Variants in RAD1 observed in about 807,000 individuals in gnomAD.
RAD1 encodes the protein cell cycle checkpoint protein RAD1.
Under a neutral mutation model 30.0 loss-of-function variants are expected in RAD1, and 21 were observed. The ratio of observed to expected loss-of-function variants is 0.70; its 90% CI spans 0.50 to 1.01. RAD1 has a LOEUF of 1.01. RAD1 is among the 50% of genes least tolerant of loss of function. The probability of loss-of-function intolerance (pLI) is 0.00; values close to 1 mark genes in which losing one functional copy is unlikely to be tolerated. For synonymous variants in RAD1, 109 were observed against 113.6 expected (o/e 0.96, Z 0.26); for missense variants, 329 against 329.0 (o/e 1.00, Z 0.00).
intron 4 of RAD1, 134 bp from the exon 5 acceptor site, chr5:34,909,490 A>AT: frequency 1.8e-6 from 1 of 561,152 alleles, no homozygotes; most frequent in East Asian, 2.9e-5. Flanking sequence ...CTTATAACAC[A>AT]CGATAACAAG....
chr5:34,914,502 G>T, intron 2 of RAD1, 193 bp downstream of exon 2: 1 of 608,554 alleles, frequency 1.6e-6, no homozygotes, highest in Non-Finnish European at 2.8e-6. Context: ...TTGTTACCGG[G>T]AGAGAAAAAA....
Position 34,913,492 on chromosome 5 carries a change from AATAG to A in RAD1, c.281_284del (p.Ser94PhefsTer11). Reference sequence around the variant, plus strand: ...TACCTGGCATAGGACTTGATCCAAAAATAGATAAACAGTCTAAAAGGACAGTTAA... The same window carrying A: ...TACCTGGCATAGGACTTGATCCAAAAATAAACAGTCTAAAAGGACAGTTAA... On this transcript the variant is annotated frameshift_variant, in exon 3 of 6. Coordinates refer to ENST00000382038, the MANE Select transcript of RAD1 (RefSeq NM_002853.4). LOFTEE classifies it high-confidence loss of function. 1 of 1,588,846 alleles carries A rather than the reference AATAG, an allele frequency of 6.3e-7. No homozygotes were observed. The highest frequency in any genetic ancestry group is 8.6e-7 in the Non-Finnish European group (1 of 1,164,094).
rs905579016 is a variant in RAD1 at position 34,915,456 on chromosome 5, A to G, written c.-110T>C. On this transcript the variant is annotated 5_prime_UTR_variant, in exon 1 of 6. Coordinates refer to ENST00000382038, the MANE Select transcript of RAD1 (RefSeq NM_002853.4). ...TGGACGCCCGAGAGCCCTTCTCAGC[A>G]AAGTCCCTGAAGAGGAGCGAGGCGG... 1.4e-5 allele frequency: 5 copies of G among 353,704 alleles called. No individual in the cohort carries two copies. The highest frequency in any genetic ancestry group is 2.6e-5 in the Non-Finnish European group (5 of 193,246). The allele number at this position is 353,704 out of a possible 1,614,324, so 21.9% of individuals were successfully genotyped here.
chr5:34,908,855 T>C lies in RAD1; in HGVS notation c.759A>G (p.Leu253=). The change falls in exon 6 of 6, where the codon TTA becomes TTG. Residue 253 remains leucine (L), a synonymous_variant. Transcript: ENST00000382038. ...CATCTTCATTTCTAATCATATACTG[T>C]AATGAAAGGAAGCCTCTGTTATCTG... ...IRTDNRGFLS[L]QYMIRNEDGQ... is the part of the protein sequence containing the mutation. The C allele has an allele frequency of 6.2e-7, 1 of 1,611,816 alleles. No individual in the cohort carries two copies.
At position 34,913,869 on chromosome 5, in the gene RAD1, C is replaced by T. The variant is rs1031546503; in HGVS notation, c.199-291G>A. 3.8e-5 allele frequency: 18 copies of T among 471,480 alleles called. No homozygotes were observed. The East Asian group carries it at 5.6e-4, about 15-fold the overall frequency. The allele number at this position is 471,480 out of a possible 1,614,324, so 29.2% of individuals were successfully genotyped here. On this transcript the variant is annotated intron_variant, in intron 2 of 5. Coordinates refer to ENST00000382038, the MANE Select transcript of RAD1 (RefSeq NM_002853.4). Reference sequence around the variant, plus strand: ...GAATGACTTGATAATGCATGAGCAACATTAGTTTCAACTTTTATTATGATT... The same window carrying T: ...GAATGACTTGATAATGCATGAGCAATATTAGTTTCAACTTTTATTATGATT...
At chr5:34,910,983 T>C (rs1229954399) in intron 4 of RAD1, among the ~76,000 whole-genome samples, 1 of 152,248 alleles carries the variant, frequency 6.6e-6, no homozygotes, top group Non-Finnish European at 1.5e-5. Flanking sequence ...CAATCCTCCC[T>C]AAATCCTTAT....
intron 2 of RAD1, 155 bp downstream of exon 2, chr5:34,914,540 A>G: frequency 1.4e-6 from 1 of 731,884 alleles, no homozygotes; most frequent in Non-Finnish European, 2.2e-6. Flanking sequence ...TTTGTTCTCT[A>G]ACTTAAGACT....
At position 34,915,488 on chromosome 5, in the gene RAD1, G is replaced by T; in HGVS notation, c.-142C>A. On this transcript the variant is annotated 5_prime_UTR_variant, in exon 1 of 6. Coordinates refer to ENST00000382038, the MANE Select transcript of RAD1 (RefSeq NM_002853.4). Reference sequence around the variant, plus strand: ...CTGAAGAGGAGCGAGGCGGCTCCGAGGAACCGCGGAGGAAGTGAAGCCAGT... The same window carrying T: ...CTGAAGAGGAGCGAGGCGGCTCCGATGAACCGCGGAGGAAGTGAAGCCAGT... 2.3e-6 allele frequency: 1 copy of T among 430,744 alleles called. No individual in the cohort carries two copies. The highest frequency in any genetic ancestry group is 4.1e-6 in the Non-Finnish European group (1 of 243,340). The allele number at this position is 430,744 out of a possible 1,614,324, so 26.7% of individuals were successfully genotyped here. A position where few individuals can be genotyped will look rare whatever the true frequency, so the allele number is the denominator to read the frequency against.
intron 4 of RAD1, among the ~76,000 whole-genome samples, chr5:34,910,773 T>C (rs1396925764): frequency 6.6e-6 from 1 of 152,224 alleles, no homozygotes; most frequent in Admixed American, 6.5e-5. Context: ...AAGAATACCT[T>C]ATTCCTTTTA....
rs1356738904 is a variant in RAD1 at position 34,907,167 on chromosome 5, C to T, written c.*1598G>A. The T allele has an allele frequency of 6.6e-6, 1 of 152,178 alleles. No individual in the cohort carries two copies. Among genetic ancestry groups the T allele is most frequent in the Non-Finnish European group, 1.5e-5 (1 of 68,040 alleles). 9.4% of individuals were successfully genotyped at this position (152,178 alleles called of 1,614,324 possible). On this transcript the variant is annotated 3_prime_UTR_variant, in exon 6 of 6. Coordinates refer to ENST00000382038, the MANE Select transcript of RAD1 (RefSeq NM_002853.4). ...CAGCACACTTTGCTGTAATACTCTC[C>T]AAACCAATTTTCTCTAATGCTATGT...
intron 4 of RAD1, among the ~76,000 whole-genome samples, chr5:34,910,214 C>T (rs1053961279): frequency 1.3e-5 from 2 of 152,110 alleles, no homozygotes; most frequent in African/African-American, 4.8e-5. Context: ...TGTTTCCCAT[C>T]CTGGAGATGA....
chr5:34,909,353 T>A lies in RAD1; in HGVS notation c.570A>T (p.Leu190Phe), dbSNP rs754063628. Reference protein sequence around the residue: ...TMSPDKPYFRLSTFGNAGSSH... With the variant: ...TMSPDKPYFRFSTFGNAGSSH... ...AACTTCCTGCATTTCCAAAAGTAGA[T>A]AACCTATAGAAAATGATTACCTCAT... The change falls in exon 5 of 6, where the codon TTA (leucine) becomes TTT (phenylalanine). Residue 190 changes from leucine to phenylalanine, a missense_variant. Coordinates refer to ENST00000382038, the MANE Select transcript of RAD1 (RefSeq NM_002853.4). 2 of 1,588,930 alleles carry A rather than the reference T, an allele frequency of 1.3e-6. No homozygotes were observed. Among genetic ancestry groups the A allele is most frequent in the Non-Finnish European group, 1.7e-6 (2 of 1,157,992 alleles).
chr5:34,908,031 A>C lies in RAD1; in HGVS notation c.*734T>G, dbSNP rs1035424078. On this transcript the variant is annotated 3_prime_UTR_variant, in exon 6 of 6. Transcript: ENST00000382038. ...GCCATTCTGATGTTGGTGCGGGCACAACACTTTGAGAACCACTACTTTAAG... is the reference window on the plus strand; with the variant it reads ...GCCATTCTGATGTTGGTGCGGGCACCACACTTTGAGAACCACTACTTTAAG... 2 of 152,228 alleles carry C rather than the reference A, an allele frequency of 1.3e-5. No individual in the cohort carries two copies. Among genetic ancestry groups the C allele is most frequent in the African/African-American group, 2.4e-5 (1 of 41,458 alleles). 9.4% of individuals were successfully genotyped at this position (152,228 alleles called of 1,614,324 possible).
chr5:34,914,454 C>T (rs1763972895), intron 2 of RAD1: 1 of 519,472 alleles, frequency 1.9e-6, no homozygotes, highest in African/African-American at 1.9e-5. Context: ...TTAGTCATTA[C>T]TAACCATTAT....
At chr5:34,910,617 AG>A (rs1763803370) in intron 4 of RAD1, among the ~76,000 whole-genome samples, 1 of 151,970 alleles carries the variant, frequency 6.6e-6, no homozygotes, top group African/African-American at 2.4e-5. Context: ...TAGTAGAGAC[AG>A]GGTTTCACCA....
chr5:34,915,392 G>A (rs1764029993), intron 1 of RAD1, 24 bp downstream of exon 1: 6 of 253,028 alleles, frequency 2.4e-5, no homozygotes, highest in Non-Finnish European at 4.6e-5. Context: ...CTAGTCTCGG[G>A]GTCCCCGAGT....
chr5:34,912,163 G>C (rs1317299156), intron 3 of RAD1, among the ~76,000 whole-genome samples: 3 of 152,200 alleles, frequency 2.0e-5, no homozygotes, highest in Non-Finnish European at 4.4e-5. Context: ...CTGCAGAACA[G>C]GGTATGCTAT....
intron 2 of RAD1, chr5:34,914,494 G>C (rs1172317148): frequency 1.7e-6 from 1 of 591,380 alleles, no homozygotes; most frequent in Non-Finnish European, 2.9e-6. Flanking sequence ...AAAAGAATTT[G>C]TTACCGGGAG....
intron 5 of RAD1, 119 bp from the exon 6 acceptor site, chr5:34,909,067 T>A: frequency 9.3e-7 from 1 of 1,074,822 alleles, no homozygotes; most frequent in Non-Finnish European, 1.3e-6. Context: ...TCCAATTTGC[T>A]AATATTTTCT....
Sources: gnomAD v4.1 joint callset for allele counts (sites outside exome capture counted in the v4.1 genomes callset) on GRCh38, gnomAD v4.1.1 for gene constraint, MANE v1.5 for transcripts, NCBI Gene and HGNC (gene_info 2026-07-23, HGNC 2026-07-21) for gene names.